DYNC1I2: variants seen among roughly 807,000 people sequenced by gnomAD.
DYNC1I2 encodes cytoplasmic dynein 1 intermediate chain 2.
A neutral mutation model predicts 88.6 loss-of-function variants in DYNC1I2; 53 were observed. That is an observed-to-expected ratio of 0.60 (90% CI 0.48 to 0.75). The LOEUF (loss-of-function observed/expected upper bound fraction) is 0.75. DYNC1I2 is among the 30% of genes least tolerant of loss of function. The pLI is 0.00. For synonymous variants in DYNC1I2, 198 were observed against 254.6 expected, an observed-to-expected ratio of 0.78 and a Z score of 2.12; for missense variants, 458 against 766.6, an observed-to-expected ratio of 0.60 and a Z score of 4.75.
chr2:171,729,832 A>C lies in DYNC1I2; in HGVS notation c.1515A>C (p.Thr505=), dbSNP rs1318882160. 6.2e-7 allele frequency: 1 copy of C among 1,613,740 alleles called. No homozygotes were observed. Among genetic ancestry groups the C allele is most frequent in the African/African-American group, 1.3e-5 (1 of 75,052 alleles). ...HLFVTSSFDW[T]VKLWTTKNNK... ...TTGTCACTTCATCGTTTGACTGGAC[A>C]GTAAAGCTTTGGACAACTAAGGTAT... Residue 505 remains threonine (T), a synonymous_variant, in exon 15 of 18, where the codon ACA becomes ACC. Transcript: ENST00000397119.
In DYNC1I2 at chr2:171,747,207, T is replaced by TTATATATATATATATATATA. The variant is rs67834157; in HGVS notation, c.1804-563_1804-544dup. 5.9e-4 allele frequency among the ~76,000 whole-genome samples: 74 copies of TTATATATATATATATATATA among 124,654 alleles called. 1 individual carries two copies. Among genetic ancestry groups the TTATATATATATATATATATA allele is most frequent in the African/African-American group, 8.2e-4 (28 of 34,020 alleles). 81.8% of individuals were successfully genotyped at this position (124,654 alleles called of 152,430 possible). A position where few individuals can be genotyped will look rare whatever the true frequency, so the allele number is the denominator to read the frequency against. On this transcript the variant is annotated intron_variant, in intron 17 of 17. Coordinates refer to ENST00000397119, the MANE Select transcript of DYNC1I2 (RefSeq NM_001378.3). ...GGACTGTCTCAAAAAAAAAAAAAAA[T>TTATATATATATATATATATA]TATATATATATATATATATATATAT...
intron 6 of DYNC1I2, among the ~76,000 whole-genome samples, chr2:171,713,958 C>T (rs1358051177): frequency 6.6e-6 from 1 of 152,026 alleles, no homozygotes; most frequent in Non-Finnish European, 1.5e-5. Flanking sequence ...TGGAATATTT[C>T]GTTTGTTTAG....
chr2:171,735,252 G>T (rs753059998), intron 15 of DYNC1I2, among the ~76,000 whole-genome samples: 1 of 152,098 alleles, frequency 6.6e-6, no homozygotes, highest in East Asian at 1.9e-4. Flanking sequence ...ACTAATCTTC[G>T]CCTAGCCAGA....
chr2:171,711,607 A>G (rs1687132040), intron 5 of DYNC1I2, among the ~76,000 whole-genome samples: 1 of 152,222 alleles, frequency 6.6e-6, no homozygotes, highest in African/African-American at 2.4e-5. Context: ...ATTGCTTAGT[A>G]CAAAGTAGAT....
intron 4 of DYNC1I2, 52 bp downstream of exon 4, chr2:171,706,616 T>A: frequency 4.0e-6 from 6 of 1,518,844 alleles, no homozygotes; most frequent in Non-Finnish European, 5.5e-6. Context: ...CATCACTTTA[T>A]GTTATGCATA....
At chr2:171,698,595 C>T (rs1052422024) in intron 3 of DYNC1I2, among the ~76,000 whole-genome samples, 4 of 152,120 alleles carry the variant, frequency 2.6e-5, no homozygotes. Flanking sequence ...ACAGGCCAGG[C>T]ACGGTGGCTC....
At chr2:171,723,153 G>A (rs1397945863) in intron 7 of DYNC1I2, among the ~76,000 whole-genome samples, 1 of 152,162 alleles carries the variant, frequency 6.6e-6, no homozygotes, top group Non-Finnish European at 1.5e-5. Context: ...CTGACCATAT[G>A]CATTATGACA....
At chr2:171,728,995 C>T (rs1411020529) in intron 14 of DYNC1I2, 145 bp downstream of exon 14, 13 of 867,470 alleles carry the variant, frequency 1.5e-5, no homozygotes, top group Non-Finnish European at 2.2e-5. Flanking sequence ...AAAATTAAAA[C>T]TTAATACCTT....
chr2:171,690,350 C>CA (rs1685306870), intron 2 of DYNC1I2, 87 bp downstream of exon 2: 5 of 944,484 alleles, frequency 5.3e-6, no homozygotes, highest in Non-Finnish European at 6.2e-6. Context: ...TAGGTTGGTG[C>CA]AAAAGTAATC....
At chr2:171,733,771 T>G (rs1408934835) in intron 15 of DYNC1I2, among the ~76,000 whole-genome samples, 2 of 151,230 alleles carry the variant, frequency 1.3e-5, no homozygotes, top group Non-Finnish European at 3.0e-5. Context: ...TTTTTTTGTT[T>G]TTGTTTTTTG....
At chr2:171,744,357 T>C (rs1689647562) in intron 16 of DYNC1I2, among the ~76,000 whole-genome samples, 168 bp downstream of exon 16, 1 of 152,338 alleles carries the variant, frequency 6.6e-6, no homozygotes, top group Non-Finnish European at 1.5e-5. Flanking sequence ...AACAGCATGC[T>C]GCGAAGAACT....
chr2:171,745,708 A>G (rs1689730541), intron 16 of DYNC1I2, 94 bp from the exon 17 acceptor site: 1 of 1,352,312 alleles, frequency 7.4e-7, no homozygotes, highest in Non-Finnish European at 1.0e-6. Flanking sequence ...GTTTTTAAAA[A>G]TGTAGCCAGC....
At chr2:171,736,221 C>A (rs1036355986) in intron 15 of DYNC1I2, among the ~76,000 whole-genome samples, 1 of 152,206 alleles carries the variant, frequency 6.6e-6, no homozygotes, top group African/African-American at 2.4e-5. Context: ...GAGGCCTGCG[C>A]AGCAGCATTT....
chr2:171,742,465 C>T (rs1283001132), intron 15 of DYNC1I2, among the ~76,000 whole-genome samples: 1 of 152,192 alleles, frequency 6.6e-6, no homozygotes, highest in Non-Finnish European at 1.5e-5. Context: ...AGCCATGGCA[C>T]CTGGGCCAGC....
At chr2:171,719,552 G>A (rs1687762172) in intron 7 of DYNC1I2, among the ~76,000 whole-genome samples, 1 of 152,142 alleles carries the variant, frequency 6.6e-6, no homozygotes, top group Non-Finnish European at 1.5e-5. Context: ...CACAGTTGGA[G>A]TGTAACAGAC....
chr2:171,707,502 G>T, intron 5 of DYNC1I2, 125 bp downstream of exon 5: 1 of 784,308 alleles, frequency 1.3e-6, no homozygotes. Context: ...AATCTAAAAT[G>T]GCATAGAAAT....
chr2:171,708,063 T>TCACACACACACACA (rs67204676), intron 5 of DYNC1I2, among the ~76,000 whole-genome samples: 27 of 147,616 alleles, frequency 1.8e-4, no homozygotes, highest in African/African-American at 5.7e-4. Flanking sequence ...CCTCTTTGTC[T>TCACACACACACACA]CTCTCACACA....
intron 15 of DYNC1I2, among the ~76,000 whole-genome samples, chr2:171,730,962 C>A (rs1372468410): frequency 6.6e-6 from 1 of 152,134 alleles, no homozygotes; most frequent in Non-Finnish European, 1.5e-5. Flanking sequence ...GAAAACTTTG[C>A]CTCTAAAAGC....
At chr2:171,724,121 T>C (rs1688082461) in intron 7 of DYNC1I2, among the ~76,000 whole-genome samples, 1 of 152,210 alleles carries the variant, frequency 6.6e-6, no homozygotes, top group South Asian at 2.1e-4. Flanking sequence ...CAAAAATCGC[T>C]CAATTTCAAG....
Sources: gnomAD v4.1 joint callset for allele counts (sites outside exome capture counted in the v4.1 genomes callset) on GRCh38, gnomAD v4.1.1 for gene constraint, MANE v1.5 for transcripts, NCBI Gene and HGNC (gene_info 2026-07-23, HGNC 2026-07-21) for gene names.